The following NDUFB5 variants were observed in gnomAD, a reference collection of about 807,000 sequenced individuals.
The protein encoded by NDUFB5 is NADH:ubiquinone oxidoreductase subunit B5.
NDUFB5 carries 19 observed loss-of-function variants against 19.4 expected under a neutral mutation model. The ratio of observed to expected loss-of-function variants is 0.98; its 90% CI spans 0.68 to 1.43. NDUFB5 has a LOEUF of 1.43. Among genes scored for constraint, NDUFB5 ranks in the 40% most tolerant of loss-of-function variants. The probability of loss-of-function intolerance (pLI) is 0.00; values close to 1 mark genes in which losing one functional copy is unlikely to be tolerated. For missense variants in NDUFB5, 233 were observed against 236.5 expected, an observed-to-expected ratio of 0.99 and a Z score of 0.10; for synonymous variants, 80 against 82.6, an observed-to-expected ratio of 0.97 and a Z score of 0.17.
rs749235953 is a variant in NDUFB5, at chr3:179,614,983, A to G, written c.137A>G (p.His46Arg). The G allele has an allele frequency of 1.2e-6, 2 of 1,608,164 alleles. No individual in the cohort carries two copies. Among genetic ancestry groups the G allele is most frequent in the African/African-American group, 2.7e-5 (2 of 74,852 alleles). Residue 46 changes from histidine (H) to arginine (R), a missense_variant, in exon 2 of 6, where the codon CAC (histidine) becomes CGC (arginine). His to Arg is a conservative substitution (Grantham distance 29). Coordinates refer to ENST00000259037, the MANE Select transcript of NDUFB5 (RefSeq NM_002492.4). ...GFPKAAAPVR[H>R]SGDHGKRLFV... ...TCAATATTCCCAGCTCCTGTTCGAC[A>G]CAGTGGAGACCATGGGAAAAGACTA...
intron 5 of NDUFB5, among the ~76,000 whole-genome samples, chr3:179,621,561 C>T (rs1201581980): frequency 5.4e-5 from 8 of 146,968 alleles, no homozygotes; most frequent in Non-Finnish European, 1.0e-4. Context: ...GGCGTGGTCT[C>T]GGCACACTGC....
Position 179,627,407 on chromosome 3 carries a change from A to T in NDUFB5, c.*3367A>T, listed in dbSNP as rs1292672525. ...CTGTGCAGCTGCAAGGTCACTAGAC[A>T]GATAAACTCAAGTCGCAAAACATGT... On this transcript the variant is annotated 3_prime_UTR_variant, in exon 6 of 6. Transcript: ENST00000259037. The T allele has an allele frequency of 6.6e-6, 1 of 152,240 alleles. No individual in the cohort carries two copies. The highest frequency in any genetic ancestry group is 1.5e-5 in the Non-Finnish European group (1 of 68,048). The allele number at this position is 152,240 out of a possible 1,614,324, so 9.4% of individuals were successfully genotyped here.
At chr3:179,610,202 C>T (rs942887958) in intron 1 of NDUFB5, among the ~76,000 whole-genome samples, 2 of 152,200 alleles carry the variant, frequency 1.3e-5, no homozygotes, top group Admixed American at 6.5e-5. Flanking sequence ...AGGTGATCCT[C>T]TCGCCTCAGC....
chr3:179,607,982 T>C (rs572733175), intron 1 of NDUFB5, among the ~76,000 whole-genome samples: 1 of 152,280 alleles, frequency 6.6e-6, no homozygotes, highest in East Asian at 1.9e-4. Context: ...TTGGGTTGCA[T>C]CTAGGTTTTG....
intron 5 of NDUFB5, among the ~76,000 whole-genome samples, chr3:179,622,644 A>G (rs1178555797): frequency 6.6e-6 from 1 of 152,136 alleles, no homozygotes; most frequent in African/African-American, 2.4e-5. Context: ...TAAATATTTT[A>G]ATTACGGTTT....
chr3:179,617,485 T>A (rs1719413794), intron 4 of NDUFB5: 1 of 152,278 alleles, frequency 6.6e-6, no homozygotes, highest in Admixed American at 6.6e-5. Flanking sequence ...GATACATTTT[T>A]TTGCATACTT....
rs1283894090 is a variant in NDUFB5 at position 179,625,752 on chromosome 3, G to A, written c.*1712G>A. 1 of 151,984 alleles carries A rather than the reference G, an allele frequency of 6.6e-6. No homozygotes were observed. Among genetic ancestry groups the A allele is most frequent in the Non-Finnish European group, 1.5e-5 (1 of 68,018 alleles). The allele number at this position is 151,984 out of a possible 1,614,324, so 9.4% of individuals were successfully genotyped here. On this transcript the variant is annotated 3_prime_UTR_variant, in exon 6 of 6. Coordinates refer to ENST00000259037, the MANE Select transcript of NDUFB5 (RefSeq NM_002492.4). Reference sequence around the variant, plus strand: ...AACCACCTTTCTACTCTGCCTCCATGAGACCCATTTTTTAATCTCCCACAT... The same window carrying A: ...AACCACCTTTCTACTCTGCCTCCATAAGACCCATTTTTTAATCTCCCACAT...
Position 179,625,700 on chromosome 3 carries a change from A to G in NDUFB5, c.*1660A>G, listed in dbSNP as rs900076518. On this transcript the variant is annotated 3_prime_UTR_variant, in exon 6 of 6. Coordinates refer to ENST00000259037, the MANE Select transcript of NDUFB5 (RefSeq NM_002492.4). ...ATTAACTAACTTTTCTGAATTTCCT[A>G]CTCTCCCCTTCCCTTCCCAGCCTTG... The G allele has an allele frequency of 3.3e-5, 5 of 150,924 alleles. No individual in the cohort carries two copies. In the East Asian group the frequency reaches 7.8e-4, roughly 23 times the overall value. 9.3% of individuals were successfully genotyped at this position (150,924 alleles called of 1,614,324 possible). A position where few individuals can be genotyped will look rare whatever the true frequency, so the allele number is the denominator to read the frequency against.
chr3:179,616,537 G>T (rs1395294030), intron 3 of NDUFB5, among the ~76,000 whole-genome samples: 4 of 151,682 alleles, frequency 2.6e-5, no homozygotes, highest in Non-Finnish European at 4.4e-5. Flanking sequence ...GTGAGACTCT[G>T]TCCCCCCCCC....
intron 2 of NDUFB5, 113 bp downstream of exon 2, chr3:179,615,172 ATTTC>A (rs1317421551): frequency 1.1e-5 from 6 of 542,170 alleles, no homozygotes; most frequent in Admixed American, 3.1e-5. Flanking sequence ...GTAAATTTAT[ATTTC>A]TTTCTGTAGA....
intron 1 of NDUFB5, among the ~76,000 whole-genome samples, chr3:179,609,895 ATCT>A (rs1223376843): frequency 3.3e-5 from 5 of 152,068 alleles, no homozygotes; most frequent in African/African-American, 1.2e-4. Flanking sequence ...TTGTGTATAT[ATCT>A]TCTTTAGAGA....
At chr3:179,616,546 C>T (rs4147792) in intron 3 of NDUFB5, among the ~76,000 whole-genome samples, 7 of 151,394 alleles carry the variant, frequency 4.6e-5, no homozygotes, top group Non-Finnish European at 7.4e-5. Flanking sequence ...TGTCCCCCCC[C>T]CAAAAAAAAA....
At chr3:179,604,992 G>A (rs926788207) in intron 1 of NDUFB5, 53 bp downstream of exon 1, 30 of 1,495,834 alleles carry the variant, frequency 2.0e-5, no homozygotes, top group African/African-American at 7.0e-5. Context: ...GGCGAGAAAA[G>A]GGAGGACGCT....
chr3:179,617,185 T>C, intron 4 of NDUFB5, 141 bp downstream of exon 4: 1 of 550,436 alleles, frequency 1.8e-6, no homozygotes, highest in Non-Finnish European at 3.1e-6. Context: ...TTGCCCAGGC[T>C]GGAGTGCAGT....
intron 1 of NDUFB5, among the ~76,000 whole-genome samples, chr3:179,609,102 TCA>T (rs1719175425): frequency 1.3e-5 from 2 of 152,230 alleles, no homozygotes; most frequent in Non-Finnish European, 2.9e-5. Context: ...TCACTTAAAG[TCA>T]CAGTTTCCAA....
chr3:179,622,657 A>G (rs1576886199), intron 5 of NDUFB5, among the ~76,000 whole-genome samples: 1 of 152,170 alleles, frequency 6.6e-6, no homozygotes, highest in African/African-American at 2.4e-5. Context: ...TACGGTTTGG[A>G]TAGTTATACT....
At chr3:179,605,121 GTGTT>G (rs1719047658) in intron 1 of NDUFB5, among the ~76,000 whole-genome samples, 182 bp downstream of exon 1, 2 of 150,226 alleles carry the variant, frequency 1.3e-5, no homozygotes, top group East Asian at 2.0e-4. Context: ...CAGATAGATC[GTGTT>G]TACATTATTA....
chr3:179,617,724 A>G (rs1719419753), intron 4 of NDUFB5, among the ~76,000 whole-genome samples: 2 of 152,276 alleles, frequency 1.3e-5, no homozygotes, highest in South Asian at 2.1e-4. Context: ...TTATTATTTC[A>G]TCCCATGTAA....
rs907752784 is a variant in NDUFB5 at position 179,625,243 on chromosome 3, A to C, written c.*1203A>C. On this transcript the variant is annotated 3_prime_UTR_variant, in exon 6 of 6. Coordinates refer to ENST00000259037, the MANE Select transcript of NDUFB5 (RefSeq NM_002492.4). Reference sequence around the variant, plus strand: ...CATTCAGGATTTTCAAACCTGTAACAGCTTATCAATGCATCTCATCTTAGA... The same window carrying C: ...CATTCAGGATTTTCAAACCTGTAACCGCTTATCAATGCATCTCATCTTAGA... 1.3e-5 allele frequency: 2 copies of C among 152,196 alleles called. No homozygotes were observed. The highest frequency in any genetic ancestry group is 2.9e-5 in the Non-Finnish European group (2 of 68,036). 9.4% of individuals were successfully genotyped at this position (152,196 alleles called of 1,614,324 possible).
Sources: allele counts gnomAD v4.1 joint callset (sites outside exome capture counted in the v4.1 genomes callset), GRCh38; gene constraint gnomAD v4.1.1; transcripts MANE v1.5; gene names NCBI Gene and HGNC (gene_info 2026-07-23, HGNC 2026-07-21).